SH3PXD2B: variants seen among roughly 807,000 people sequenced by gnomAD.
SH3PXD2B encodes the protein SH3 and PX domains 2B.
Under a neutral mutation model 73.1 loss-of-function variants are expected in SH3PXD2B, and 37 were observed. The ratio of observed to expected loss-of-function variants is 0.51; its 90% CI spans 0.39 to 0.67. The LOEUF (loss-of-function observed/expected upper bound fraction) is 0.67. SH3PXD2B is among the 30% of genes least tolerant of loss of function. The pLI, the probability that SH3PXD2B is intolerant of heterozygous loss-of-function variation, is 0.00. For missense variants in SH3PXD2B, 1,053 were observed against 1,197.8 expected (o/e 0.88, Z 1.78); for synonymous variants, 457 against 480.5 (o/e 0.95, Z 0.64).
At chr5:172,403,387 C>T (rs76019842) in intron 3 of SH3PXD2B, among the ~76,000 whole-genome samples, 7,105 of 152,190 alleles carry the variant, frequency 0.047, 536 homozygotes, top group African/African-American at 0.16. Context: ...GGAGAGGGGG[C>T]GCTTCTTTCG....
rs974111307 is a variant in SH3PXD2B at position 172,333,877 on chromosome 5, G to A, written c.*4492C>T. ...TATCATCACCCCTCTAAGTGAAAGG[G>A]GCGCTAACAATAATTACACGGGCAC... On this transcript the variant is annotated 3_prime_UTR_variant, in exon 13 of 13. Coordinates refer to ENST00000311601, the MANE Select transcript of SH3PXD2B (RefSeq NM_001017995.3). 2.1e-5 allele frequency: 27 copies of A among 1,275,034 alleles called. No homozygotes were observed. In the East Asian group the frequency reaches 1.4e-3, roughly 68 times the overall value. The allele number at this position is 1,275,034 out of a possible 1,614,324, so 79.0% of individuals were successfully genotyped here.
intron 10 of SH3PXD2B, among the ~76,000 whole-genome samples, chr5:172,349,365 G>C (rs145625671): frequency 1.3e-5 from 2 of 152,362 alleles, no homozygotes; most frequent in Non-Finnish European, 1.5e-5. Flanking sequence ...GGCACTGTGC[G>C]TAAGTCCTGG....
At position 172,435,148 on chromosome 5, in the gene SH3PXD2B, T is replaced by C. The variant is rs183577231; in HGVS notation, c.76-12652A>G. 3.2e-3 allele frequency among the ~76,000 whole-genome samples: 480 copies of C among 152,316 alleles called. 6 individuals are homozygous for C. Among genetic ancestry groups the C allele is most frequent in the Admixed American group, 5.7e-3 (87 of 15,302 alleles). ...CAGGCGACACTAGCCAGGAAGAACT[T>C]AACACATTGATTTTTCTCTTTCTTT... On this transcript the variant is annotated intron_variant, in intron 1 of 12. Transcript: ENST00000311601.
chr5:172,447,265 A>C (rs79771643), intron 1 of SH3PXD2B, among the ~76,000 whole-genome samples: 4,886 of 152,300 alleles, frequency 0.032, 268 homozygotes, highest in African/African-American at 0.11. Context: ...TCATATTTTC[A>C]TCCTTCGTTT....
At chr5:172,414,240 G>A (rs922642260) in intron 2 of SH3PXD2B, among the ~76,000 whole-genome samples, 3 of 152,098 alleles carry the variant, frequency 2.0e-5, no homozygotes, top group Non-Finnish European at 2.9e-5. Flanking sequence ...AGGCTGAGGC[G>A]GGTGGATTGC....
chr5:172,390,083 C>T (rs140580000), intron 4 of SH3PXD2B, among the ~76,000 whole-genome samples: 5 of 152,320 alleles, frequency 3.3e-5, no homozygotes, highest in Non-Finnish European at 7.4e-5. Context: ...ATTATAAGTG[C>T]ACAATATCAA....
At chr5:172,354,974 T>C (rs1435643870) in intron 8 of SH3PXD2B, among the ~76,000 whole-genome samples, 2 of 152,136 alleles carry the variant, frequency 1.3e-5, no homozygotes, top group Non-Finnish European at 2.9e-5. Flanking sequence ...TGGCAGGGTG[T>C]CCCACAGAGC....
intron 5 of SH3PXD2B, among the ~76,000 whole-genome samples, chr5:172,374,696 G>A (rs919812283): frequency 6.6e-6 from 1 of 152,064 alleles, no homozygotes; most frequent in Non-Finnish European, 1.5e-5. Context: ...GGGGAGTGGG[G>A]AAAGCAACTG....
intron 12 of SH3PXD2B, among the ~76,000 whole-genome samples, chr5:172,345,052 AAAGGAAGGAGGAAGGAGG>A (rs1035526721): frequency 6.7e-6 from 1 of 148,580 alleles, no homozygotes; most frequent in Admixed American, 6.6e-5. Flanking sequence ...GAAGGAAAAC[AAAGGAAGGAGGAAGGAGG>A]AAGGAAGGAG....
At chr5:172,332,936 G>T (rs28620745), downstream of SH3PXD2B, among the ~76,000 whole-genome samples, 401 of 17,488 alleles carry the variant, frequency 0.023, 39 homozygotes, top group South Asian at 0.11. Context: ...ACCGCACAAT[G>T]TTTTTTTTTT....
intron 1 of SH3PXD2B, among the ~76,000 whole-genome samples, chr5:172,435,488 G>A (rs966528555): frequency 1.3e-5 from 2 of 152,056 alleles, no homozygotes; most frequent in Non-Finnish European, 2.9e-5. Context: ...GGAGTACAGT[G>A]GTGTAATCAC....
At chr5:172,380,516 G>A (rs1757919343) in intron 5 of SH3PXD2B, among the ~76,000 whole-genome samples, 2 of 152,204 alleles carry the variant, frequency 1.3e-5, no homozygotes, top group African/African-American at 4.8e-5. Context: ...AGACAAAGGT[G>A]CTTTGAGACT....
At position 172,450,131 on chromosome 5, in the gene SH3PXD2B, C is replaced by T. The variant is rs956504788; in HGVS notation, c.75+4147G>A. 6.6e-5 allele frequency among the ~76,000 whole-genome samples: 10 copies of T among 152,040 alleles called. No homozygotes were observed. In the South Asian group the frequency reaches 1.0e-3, roughly 16 times the overall value. On this transcript the variant is annotated intron_variant, in intron 1 of 12. Transcript: ENST00000311601. ...ATGTTATAATACTGCATTGTGGTGA[C>T]GGTTGCATAGCTCTGCAAATTTACT...
rs1286898730 is a variant in SH3PXD2B at position 172,338,332 on chromosome 5, A to G, written c.*37T>C. 6.2e-7 allele frequency: 1 copy of G among 1,613,622 alleles called. No individual in the cohort carries two copies. Among genetic ancestry groups the G allele is most frequent in the Non-Finnish European group, 8.5e-7 (1 of 1,180,026 alleles). ...TATTAAATACGTGGGTAAAGCCAGC[A>G]AGGACCAGCGGGCCCTCTAGGCAGA... On this transcript the variant is annotated 3_prime_UTR_variant, in exon 13 of 13. Coordinates refer to ENST00000311601, the MANE Select transcript of SH3PXD2B (RefSeq NM_001017995.3). This position sits in a 1 kb window ranked among gnomAD's most constrained non-coding sequence, Gnocchi z 5.1.
At chr5:172,393,561 C>G (rs1287107292) in intron 4 of SH3PXD2B, among the ~76,000 whole-genome samples, 2 of 152,304 alleles carry the variant, frequency 1.3e-5, no homozygotes, top group African/African-American at 4.8e-5. Flanking sequence ...TGTGCTTACA[C>G]TGGCTAGTCC....
intron 4 of SH3PXD2B, among the ~76,000 whole-genome samples, chr5:172,390,556 C>A (rs1758159051): frequency 6.6e-6 from 1 of 152,108 alleles, no homozygotes; most frequent in Non-Finnish European, 1.5e-5. Context: ...GCTCCCAGTG[C>A]CTTTTATTGC....
intron 8 of SH3PXD2B, among the ~76,000 whole-genome samples, chr5:172,357,280 T>C (rs375661731): frequency 1.3e-4 from 20 of 151,696 alleles, no homozygotes; most frequent in African/African-American, 4.8e-4. Flanking sequence ...GAAAACTAGC[T>C]GGGCGTGGTG....
chr5:172,373,874 C>A, intron 5 of SH3PXD2B, 59 bp from the exon 6 acceptor site: 15 of 1,588,696 alleles, frequency 9.4e-6, no homozygotes, highest in Non-Finnish European at 1.2e-5. Flanking sequence ...CATGTATTGA[C>A]GTGAGTTATT....
chr5:172,363,445 A>T (rs1351995935), intron 6 of SH3PXD2B, among the ~76,000 whole-genome samples: 1 of 152,240 alleles, frequency 6.6e-6, no homozygotes, highest in Admixed American at 6.5e-5. Flanking sequence ...AGACATGTAC[A>T]TAAGTATATA....
Sources: allele counts gnomAD v4.1 joint callset (sites outside exome capture counted in the v4.1 genomes callset), GRCh38; gene constraint gnomAD v4.1.1; non-coding constraint Gnocchi (gnomAD v3.1); transcripts MANE v1.5; gene names NCBI Gene and HGNC (gene_info 2026-07-23, HGNC 2026-07-21).